ITGB6: variants seen among roughly 807,000 people sequenced by gnomAD.
The protein encoded by ITGB6 is integrin beta-6.
Under a neutral mutation model 84.5 loss-of-function variants are expected in ITGB6, and 80 were observed. That is an observed-to-expected ratio of 0.95 (90% CI 0.79 to 1.14). The LOEUF is 1.14. Ranked by LOEUF, ITGB6 falls within the 50% of genes most tolerant of loss-of-function variation. The pLI is 0.00. For missense variants in ITGB6, 1,006 were observed against 968.0 expected (o/e 1.04, Z -0.52); for synonymous variants, 383 against 354.9 (o/e 1.08, Z -0.89).
chr2:160,137,885 C>A (rs1381811084), intron 9 of ITGB6, 34 bp from the exon 10 acceptor site: 2 of 1,598,852 alleles, frequency 1.3e-6, no homozygotes, highest in East Asian at 2.2e-5. Context: ...CTCCCTCCAT[C>A]CACCAAAATG....
chr2:160,136,251 G>A (rs1329763230), intron 10 of ITGB6, among the ~76,000 whole-genome samples: 1 of 152,190 alleles, frequency 6.6e-6, no homozygotes, highest in African/African-American at 2.4e-5. Flanking sequence ...GATATGAACA[G>A]ACACTTCTCA....
intron 10 of ITGB6, among the ~76,000 whole-genome samples, chr2:160,127,462 CA>C (rs1683284705): frequency 6.6e-6 from 1 of 152,174 alleles, no homozygotes; most frequent in South Asian, 2.1e-4. Context: ...AAGTCCTGCC[CA>C]TCCCCTTTGA....
At chr2:160,191,959 T>C (rs1686159255) in intron 4 of ITGB6, among the ~76,000 whole-genome samples, 3 of 152,130 alleles carry the variant, frequency 2.0e-5, no homozygotes, top group Non-Finnish European at 4.4e-5. Context: ...TGACAAAACA[T>C]TGCTCTGAGA....
chr2:160,113,601 T>C (rs1055585413), intron 12 of ITGB6, among the ~76,000 whole-genome samples: 1 of 152,240 alleles, frequency 6.6e-6, no homozygotes, highest in Non-Finnish European at 1.5e-5. Context: ...CAAATGATTA[T>C]GGTCATCTAA....
At chr2:160,172,545 C>T in intron 6 of ITGB6, 24 bp downstream of exon 6, 1 of 1,557,214 alleles carries the variant, frequency 6.4e-7, no homozygotes, top group Non-Finnish European at 8.8e-7. Flanking sequence ...GCCCTGAAAA[C>T]AGTACAGAGT....
chr2:160,155,950 T>C lies in ITGB6; in HGVS notation c.1017+13262A>G, dbSNP rs74981420. On this transcript the variant is annotated intron_variant, in intron 7 of 14. Transcript: ENST00000283249. ...TGACAATGCTCTCATACACTTGTAG[T>C]AGAAGTGTAAATTGGTACAACTATT... Among the ~76,000 whole-genome samples the C allele has an allele frequency of 8.2e-3, 1,249 of 152,320 alleles. 6 individuals are homozygous for C. Among genetic ancestry groups the C allele is most frequent in the Middle Eastern group, 0.014 (4 of 294 alleles).
At chr2:160,135,259 TAAC>T (rs1683657646) in intron 10 of ITGB6, among the ~76,000 whole-genome samples, 1 of 152,050 alleles carries the variant, frequency 6.6e-6, no homozygotes, top group African/African-American at 2.4e-5. Context: ...TATACACTAA[TAAC>T]AGACAAACAG....
At chr2:160,146,876 A>T (rs990619839) in intron 7 of ITGB6, among the ~76,000 whole-genome samples, 6 of 152,032 alleles carry the variant, frequency 3.9e-5, no homozygotes, top group African/African-American at 1.2e-4. Context: ...TGAGGTGGGT[A>T]TATCACTCAA....
intron 4 of ITGB6, among the ~76,000 whole-genome samples, chr2:160,183,076 TG>T (rs1245384053): frequency 1.3e-5 from 2 of 152,014 alleles, no homozygotes; most frequent in African/African-American, 4.8e-5. Flanking sequence ...ATGAAGAAAA[TG>T]CATCAACTAA....
intron 4 of ITGB6, among the ~76,000 whole-genome samples, chr2:160,177,857 A>G (rs527895856): frequency 3.8e-4 from 58 of 151,458 alleles, no homozygotes; most frequent in South Asian, 3.8e-3. Context: ...TGGATTTAGA[A>G]TAAAAAGAGC....
chr2:160,114,808 C>A (rs111699977), intron 12 of ITGB6, among the ~76,000 whole-genome samples: 118 of 152,344 alleles, frequency 7.7e-4, no homozygotes, highest in African/African-American at 2.8e-3. Context: ...CACCCTAATA[C>A]TGCTCTTTTC....
intron 10 of ITGB6, among the ~76,000 whole-genome samples, chr2:160,134,054 C>T (rs1218724824): frequency 6.6e-6 from 1 of 152,132 alleles, no homozygotes; most frequent in African/African-American, 2.4e-5. Flanking sequence ...TAACTAAGAT[C>T]AGAGCAGAAC....
intron 4 of ITGB6, among the ~76,000 whole-genome samples, chr2:160,188,585 T>C (rs751836962): frequency 2.0e-5 from 3 of 152,026 alleles, no homozygotes; most frequent in Non-Finnish European, 2.9e-5. Context: ...CAAATGCTTT[T>C]AATCGTTAAC....
At chr2:160,106,637 C>T (rs1459257441) in intron 14 of ITGB6, among the ~76,000 whole-genome samples, 4 of 152,168 alleles carry the variant, frequency 2.6e-5, no homozygotes, top group African/African-American at 4.8e-5. Flanking sequence ...TATCTAAATG[C>T]ATTTTTAATG....
At chr2:160,123,606 T>A (rs1041091330) in intron 12 of ITGB6, among the ~76,000 whole-genome samples, 185 bp downstream of exon 12, 1 of 152,178 alleles carries the variant, frequency 6.6e-6, no homozygotes, top group African/African-American at 2.4e-5. Context: ...AATGCTAGTG[T>A]CCTGAGACAT....
chr2:160,157,462 C>A lies in ITGB6; in HGVS notation c.1017+11750G>T, dbSNP rs141672494. 1.4e-3 allele frequency among the ~76,000 whole-genome samples: 206 copies of A among 152,294 alleles called. 1 individual carries two copies. The highest frequency in any genetic ancestry group is 4.6e-3 in the African/African-American group (193 of 41,564). On this transcript the variant is annotated intron_variant, in intron 7 of 14. Transcript: ENST00000283249. ...GTTGACTGTATAGCCACGGTTCACTCTTCTCCACCAGGCCTCTGCCAGAGA... is the reference window on the plus strand; with the variant it reads ...GTTGACTGTATAGCCACGGTTCACTATTCTCCACCAGGCCTCTGCCAGAGA...
intron 6 of ITGB6, among the ~76,000 whole-genome samples, chr2:160,169,807 G>GTACTAATCC (rs1685137395): frequency 6.6e-6 from 1 of 152,154 alleles, no homozygotes; most frequent in Non-Finnish European, 1.5e-5. Flanking sequence ...TGACATTCCC[G>GTACTAATCC]TACTAATCCT....
intron 14 of ITGB6, among the ~76,000 whole-genome samples, chr2:160,102,740 G>A (rs916489251): frequency 6.6e-5 from 10 of 152,128 alleles, no homozygotes; most frequent in Admixed American, 5.9e-4. Flanking sequence ...AGGTGTCTGG[G>A]TAAGGTACAG....
At chr2:160,123,156 T>C (rs1683106446) in intron 12 of ITGB6, among the ~76,000 whole-genome samples, 1 of 152,218 alleles carries the variant, frequency 6.6e-6, no homozygotes, top group Admixed American at 6.5e-5. Context: ...TAGACTCTGA[T>C]TCTAAGTAAT....
Sources: allele counts gnomAD v4.1 joint callset (sites outside exome capture counted in the v4.1 genomes callset), GRCh38; gene constraint gnomAD v4.1.1; transcripts MANE v1.5; gene names NCBI Gene and HGNC (gene_info 2026-07-23, HGNC 2026-07-21).